The following DSCAM variants were observed in gnomAD, a reference collection of about 807,000 sequenced individuals.
DSCAM encodes the protein cell adhesion molecule DSCAM.
Under a neutral mutation model 217.7 loss-of-function variants are expected in DSCAM, and 47 were observed. That is an observed-to-expected ratio of 0.22 (90% confidence interval 0.17 to 0.28). The LOEUF (loss-of-function observed/expected upper bound fraction) is 0.28. Ranked by LOEUF, DSCAM falls within the 10% of genes least tolerant of loss-of-function variation. DSCAM has a pLI of 1.00. For missense variants in DSCAM, 2,080 were observed against 2,618.3 expected (o/e 0.79, Z 4.49); for synonymous variants, 1,056 against 1,015.3 (o/e 1.04, Z -0.76).
At chr21:40,616,800 G>C (rs186030852) in intron 3 of DSCAM, among the ~76,000 whole-genome samples, 232 of 152,080 alleles carry the variant, frequency 1.5e-3, no homozygotes, top group African/African-American at 5.3e-3. Context: ...AGCGGATCAC[G>C]AGGTCAGGAG....
chr21:40,192,489 T>C (rs2090962220), intron 11 of DSCAM, among the ~76,000 whole-genome samples: 1 of 152,194 alleles, frequency 6.6e-6, no homozygotes, highest in African/African-American at 2.4e-5. Flanking sequence ...ATATGTTTGC[T>C]TCCCCTTTCA....
intron 3 of DSCAM, among the ~76,000 whole-genome samples, chr21:40,502,622 TC>T (rs930644711): frequency 6.6e-6 from 1 of 152,170 alleles, no homozygotes; most frequent in Non-Finnish European, 1.5e-5. Flanking sequence ...CCATCGAGTT[TC>T]CCATTGCATC....
At chr21:40,205,495 C>T (rs1008885930) in intron 11 of DSCAM, among the ~76,000 whole-genome samples, 7 of 151,274 alleles carry the variant, frequency 4.6e-5, no homozygotes, top group Non-Finnish European at 8.8e-5. Context: ...CCCAGCTACT[C>T]AGGAGGCTGA....
chr21:40,518,097 C>A (rs1229347239), intron 3 of DSCAM, among the ~76,000 whole-genome samples: 1 of 151,468 alleles, frequency 6.6e-6, no homozygotes, highest in Non-Finnish European at 1.5e-5. Flanking sequence ...GCACATAGAA[C>A]CTCCATGATG....
chr21:40,057,235 T>C (rs2089039596), intron 28 of DSCAM, among the ~76,000 whole-genome samples: 2 of 152,242 alleles, frequency 1.3e-5, no homozygotes, highest in African/African-American at 4.8e-5. Flanking sequence ...TTGTCCTGAC[T>C]TTTCACATGG....
chr21:40,355,294 C>T (rs117043406), intron 4 of DSCAM, among the ~76,000 whole-genome samples: 2,605 of 152,200 alleles, frequency 0.017, 25 homozygotes, highest in South Asian at 0.028. Context: ...TGAGCACTAC[C>T]GACAGCATGT....
chr21:40,148,617 C>T (rs2090385803), intron 16 of DSCAM, among the ~76,000 whole-genome samples: 1 of 152,036 alleles, frequency 6.6e-6, no homozygotes, highest in South Asian at 2.1e-4. Context: ...CCATGATGAC[C>T]ACCACCACCA....
intron 3 of DSCAM, among the ~76,000 whole-genome samples, chr21:40,689,761 C>T (rs1304127827): frequency 1.3e-5 from 2 of 152,228 alleles, no homozygotes; most frequent in Admixed American, 1.3e-4. Flanking sequence ...TAAATCCAAA[C>T]TAGCTCGCAG....
intron 1 of DSCAM, among the ~76,000 whole-genome samples, chr21:40,780,822 T>C (rs1555888134): frequency 6.6e-6 from 1 of 152,064 alleles, no homozygotes; most frequent in Non-Finnish European, 1.5e-5. Flanking sequence ...ATTTCTGTTG[T>C]TGAAGCCACT....
intron 10 of DSCAM, among the ~76,000 whole-genome samples, chr21:40,289,809 C>T (rs929070495): frequency 6.6e-6 from 1 of 152,046 alleles, no homozygotes; most frequent in African/African-American, 2.4e-5. Context: ...AAACCAAGAC[C>T]TAGCAAAGAT....
intron 20 of DSCAM, 97 bp downstream of exon 20, chr21:40,124,098 G>C: frequency 4.6e-6 from 7 of 1,538,292 alleles, no homozygotes; most frequent in Non-Finnish European, 6.2e-6. Context: ...AAAGACCCAG[G>C]TAGGTGGGAA....
intron 3 of DSCAM, among the ~76,000 whole-genome samples, chr21:40,600,565 C>A (rs2077054750): frequency 6.6e-6 from 1 of 152,146 alleles, no homozygotes; most frequent in African/African-American, 2.4e-5. Context: ...ATTCGTCATA[C>A]TTTTGCGGTT....
intron 11 of DSCAM, among the ~76,000 whole-genome samples, chr21:40,203,227 C>T (rs1200332776): frequency 6.6e-6 from 1 of 152,226 alleles, no homozygotes; most frequent in Non-Finnish European, 1.5e-5. Flanking sequence ...TGTAAAATAC[C>T]ATCAACCTTT....
intron 3 of DSCAM, among the ~76,000 whole-genome samples, chr21:40,411,236 G>T (rs897909441): frequency 3.4e-5 from 5 of 146,454 alleles, no homozygotes; most frequent in Middle Eastern, 3.6e-3. Context: ...AATTGTAGGG[G>T]AAAACAAACA....
intron 3 of DSCAM, among the ~76,000 whole-genome samples, chr21:40,500,452 T>C (rs2076162218): frequency 6.6e-6 from 1 of 152,194 alleles, no homozygotes; most frequent in Admixed American, 6.5e-5. Flanking sequence ...AGAGATTAAG[T>C]GACCAGCAAG....
At chr21:40,356,030 T>G (rs908391702) in intron 4 of DSCAM, among the ~76,000 whole-genome samples, 2 of 152,208 alleles carry the variant, frequency 1.3e-5, no homozygotes, top group Non-Finnish European at 2.9e-5. Context: ...TTCCTATGCA[T>G]GTGTGTATAT....
intron 20 of DSCAM, among the ~76,000 whole-genome samples, chr21:40,114,646 A>G (rs2146645461): frequency 6.6e-6 from 1 of 152,298 alleles, no homozygotes; most frequent in Admixed American, 6.5e-5. Flanking sequence ...ATGGGAGAAA[A>G]TTTTTGCAAT....
intron 3 of DSCAM, among the ~76,000 whole-genome samples, chr21:40,629,062 GTATGTGTGTGTGTGGTGTGTGTGTGT>G (rs2089646544): frequency 1.4e-5 from 2 of 142,666 alleles, no homozygotes; most frequent in Non-Finnish European, 3.1e-5. Context: ...TGTGTGTGTA[GTATGTGTGTGTGTGGTGTGTGTGTGT>G]GTGTGTGTGT....
At chr21:40,150,058 T>C (rs1168647831) in intron 16 of DSCAM, among the ~76,000 whole-genome samples, 2 of 152,244 alleles carry the variant, frequency 1.3e-5, no homozygotes, top group Non-Finnish European at 2.9e-5. Context: ...TTTTTTCCCA[T>C]TGTAATTGGT....
Sources: allele counts gnomAD v4.1 joint callset (sites outside exome capture counted in the v4.1 genomes callset), GRCh38; gene constraint gnomAD v4.1.1; transcripts MANE v1.5; gene names NCBI Gene and HGNC (gene_info 2026-07-23, HGNC 2026-07-21).